Variants in ADGRL3 observed in about 807,000 individuals in gnomAD.
The protein encoded by ADGRL3 is adhesion G protein-coupled receptor L3.
A neutral mutation model predicts 153.5 loss-of-function variants in ADGRL3; 62 were observed. That is an observed-to-expected ratio of 0.40 (90% CI 0.33 to 0.50). ADGRL3 has a LOEUF of 0.50. Ranked by LOEUF, ADGRL3 falls within the 20% of genes least tolerant of loss-of-function variation. The pLI, the probability that ADGRL3 is intolerant of heterozygous loss-of-function variation, is 0.47. For synonymous variants in ADGRL3, 710 were observed against 672.5 expected (o/e 1.06, Z -0.86); for missense variants, 1,641 against 1,859.4 (o/e 0.88, Z 2.16).
chr4:61,502,525 T>C (rs2152831884), intron 3 of ADGRL3, among the ~76,000 whole-genome samples: 1 of 151,990 alleles, frequency 6.6e-6, no homozygotes, highest in East Asian at 1.9e-4. Context: ...TAAAGTTGCA[T>C]CTGTATTTAT....
chr4:61,367,923 C>T (rs1466429999), intron 1 of ADGRL3, among the ~76,000 whole-genome samples: 43 of 148,334 alleles, frequency 2.9e-4, no homozygotes, highest in East Asian at 1.2e-3. Context: ...TTTTAATGAT[C>T]GCCATTCTAA....
chr4:61,429,018 C>T (rs1292375184), intron 2 of ADGRL3, among the ~76,000 whole-genome samples: 1 of 151,754 alleles, frequency 6.6e-6, no homozygotes, highest in Non-Finnish European at 1.5e-5. Context: ...TTGAAATAAT[C>T]TATTATAAAT....
At chr4:62,059,157 T>C (rs1046088929) in intron 25 of ADGRL3, among the ~76,000 whole-genome samples, 1 of 152,120 alleles carries the variant, frequency 6.6e-6, no homozygotes, top group South Asian at 2.1e-4. Flanking sequence ...ATAGGAAGTA[T>C]GTCCTCTTGA....
At chr4:61,973,902 T>C (rs1231948175) in intron 17 of ADGRL3, among the ~76,000 whole-genome samples, 1 of 152,182 alleles carries the variant, frequency 6.6e-6, no homozygotes, top group Non-Finnish European at 1.5e-5. Context: ...GTAATCAAGA[T>C]GCAATTCAGA....
At chr4:61,779,072 T>A (rs1398547697) in intron 8 of ADGRL3, among the ~76,000 whole-genome samples, 9 of 149,806 alleles carry the variant, frequency 6.0e-5, no homozygotes, top group Non-Finnish European at 1.0e-4. Context: ...AAAAAAAAAA[T>A]CACTTGTAGA....
At chr4:61,956,170 C>T (rs1221250067) in intron 17 of ADGRL3, among the ~76,000 whole-genome samples, 1 of 152,154 alleles carries the variant, frequency 6.6e-6, no homozygotes, top group Non-Finnish European at 1.5e-5. Flanking sequence ...AAAAGTGTTC[C>T]TATTGCTCCA....
intron 8 of ADGRL3, among the ~76,000 whole-genome samples, chr4:61,777,013 T>G (rs749422400): frequency 1.3e-5 from 2 of 152,196 alleles, no homozygotes; most frequent in Non-Finnish European, 2.9e-5. Flanking sequence ...AATTTAGATC[T>G]TTATTCATTT....
chr4:61,640,139 A>T (rs1014400406), intron 5 of ADGRL3, among the ~76,000 whole-genome samples: 5 of 152,104 alleles, frequency 3.3e-5, no homozygotes, highest in African/African-American at 1.2e-4. Flanking sequence ...GCTGTGACCA[A>T]GTTATCAGAT....
At chr4:61,410,330 C>G (rs1279509127) in intron 2 of ADGRL3, among the ~76,000 whole-genome samples, 1 of 151,910 alleles carries the variant, frequency 6.6e-6, no homozygotes, top group Admixed American at 6.6e-5. Flanking sequence ...AACATTGTAC[C>G]TTTTATCACA....
At chr4:61,555,389 C>A (rs1421772494) in intron 4 of ADGRL3, among the ~76,000 whole-genome samples, 1 of 152,116 alleles carries the variant, frequency 6.6e-6, no homozygotes, top group Non-Finnish European at 1.5e-5. Context: ...AGAAATGTTT[C>A]TCTTTGTGAG....
At chr4:61,782,936 T>A (rs944146894) in intron 8 of ADGRL3, among the ~76,000 whole-genome samples, 1 of 152,296 alleles carries the variant, frequency 6.6e-6, no homozygotes, top group South Asian at 2.1e-4. Flanking sequence ...TAGTCACTGC[T>A]GATATTTTTC....
At chr4:61,932,741 G>A (rs2098822762) in intron 13 of ADGRL3, among the ~76,000 whole-genome samples, 1 of 152,054 alleles carries the variant, frequency 6.6e-6, no homozygotes, top group African/African-American at 2.4e-5. Context: ...GAGAAGGACT[G>A]GTGTTAATTC....
At chr4:61,283,867 A>G (rs1217284046) in intron 1 of ADGRL3, among the ~76,000 whole-genome samples, 3 of 151,992 alleles carry the variant, frequency 2.0e-5, no homozygotes, top group Non-Finnish European at 4.4e-5. Flanking sequence ...CCCAAATTTG[A>G]AAGGGCGCTG....
intron 3 of ADGRL3, among the ~76,000 whole-genome samples, chr4:61,516,487 T>A (rs1236800846): frequency 6.6e-6 from 1 of 151,922 alleles, no homozygotes; most frequent in Non-Finnish European, 1.5e-5. Context: ...GGGAAATGTG[T>A]ATCTCATGTA....
intron 9 of ADGRL3, among the ~76,000 whole-genome samples, chr4:61,876,498 A>G (rs1489145777): frequency 2.0e-5 from 3 of 152,184 alleles, no homozygotes; most frequent in Admixed American, 6.5e-5. Context: ...AAATAGCCAT[A>G]TGATGAATAC....
intron 4 of ADGRL3, among the ~76,000 whole-genome samples, chr4:61,548,206 A>ATGTT (rs2098723197): frequency 6.6e-6 from 1 of 152,014 alleles, no homozygotes; most frequent in Non-Finnish European, 1.5e-5. Flanking sequence ...CATAGTTTGC[A>ATGTT]TGTTTTTTCT....
intron 1 of ADGRL3, among the ~76,000 whole-genome samples, chr4:61,303,059 A>G (rs1313934170): frequency 6.6e-6 from 1 of 152,186 alleles, no homozygotes; most frequent in African/African-American, 2.4e-5. Flanking sequence ...TGACACCTCC[A>G]AAACGTTAGT....
chr4:62,036,464 A>G (rs1725066334), intron 23 of ADGRL3, among the ~76,000 whole-genome samples: 1 of 152,048 alleles, frequency 6.6e-6, no homozygotes, highest in Non-Finnish European at 1.5e-5. Flanking sequence ...CATAATAAGC[A>G]CTCAATAAAT....
At chr4:61,923,284 C>G (rs2098778658) in intron 13 of ADGRL3, among the ~76,000 whole-genome samples, 1 of 152,196 alleles carries the variant, frequency 6.6e-6, no homozygotes, top group Non-Finnish European at 1.5e-5. Context: ...CAGCTATTAT[C>G]CTTGTGTAGA....
Sources: allele counts gnomAD v4.1 joint callset (sites outside exome capture counted in the v4.1 genomes callset), GRCh38; gene constraint gnomAD v4.1.1; transcripts MANE v1.5; gene names NCBI Gene and HGNC (gene_info 2026-07-23, HGNC 2026-07-21).